Variants in POT1 observed in about 807,000 individuals in gnomAD.
POT1 encodes protection of telomeres 1, also known as protection of telomeres protein 1.
A neutral mutation model predicts 78.5 loss-of-function variants in POT1; 47 were observed. The ratio of observed to expected loss-of-function variants is 0.60; its 90% CI spans 0.47 to 0.76. The LOEUF (loss-of-function observed/expected upper bound fraction) is 0.76, where lower values mean the gene tolerates loss of function less well. Ranked by LOEUF, POT1 falls within the 30% of genes least tolerant of loss-of-function variation. The probability of loss-of-function intolerance (pLI) is 0.00; values close to 1 mark genes in which losing one functional copy is unlikely to be tolerated. For missense variants in POT1, 646 were observed against 749.9 expected (o/e 0.86, Z 1.62); for synonymous variants, 259 against 260.7 (o/e 0.99, Z 0.06).
At chr7:124,851,708 T>C (rs754367226) in intron 11 of POT1, 164 bp downstream of exon 11, 9 of 612,042 alleles carry the variant, frequency 1.5e-5, no homozygotes, top group South Asian at 2.1e-5. Context: ...GAAGAAACCA[T>C]GTTTACTTTT....
intron 3 of POT1, chr7:124,900,947 G>T: frequency 4.8e-6 from 1 of 207,806 alleles, no homozygotes; most frequent in South Asian, 5.6e-5. Context: ...GCGAGTCTGG[G>T]GGAGGGGCTT....
At chr7:124,906,955 G>A (rs1796780217) in intron 3 of POT1, among the ~76,000 whole-genome samples, 1 of 152,058 alleles carries the variant, frequency 6.6e-6, no homozygotes, top group Admixed American at 6.6e-5. Flanking sequence ...TATATGGGGT[G>A]TTCTAAGCTT....
intron 6 of POT1, among the ~76,000 whole-genome samples, chr7:124,881,353 T>C (rs1796114486): frequency 6.6e-6 from 1 of 151,950 alleles, no homozygotes; most frequent in South Asian, 2.1e-4. Flanking sequence ...CCACTGTTGA[T>C]CAAAATGTTA....
chr7:124,891,006 A>C (rs1451377817), intron 6 of POT1, among the ~76,000 whole-genome samples: 2 of 151,768 alleles, frequency 1.3e-5, no homozygotes, highest in African/African-American at 4.8e-5. Context: ...AATATTCTGC[A>C]TATGTCTGAT....
chr7:124,924,626 T>C (rs1481975950), intron 2 of POT1, among the ~76,000 whole-genome samples: 2 of 151,684 alleles, frequency 1.3e-5, no homozygotes, highest in Admixed American at 1.3e-4. Context: ...TTCTACAAGG[T>C]ATCACCCTGA....
chr7:124,850,161 T>C (rs1795268471), intron 11 of POT1, among the ~76,000 whole-genome samples: 1 of 152,206 alleles, frequency 6.6e-6, no homozygotes, highest in South Asian at 2.1e-4. Context: ...TTCCTAATAG[T>C]AGTTCAAGTA....
chr7:124,847,653 A>G (rs953506849), intron 11 of POT1, among the ~76,000 whole-genome samples: 1 of 152,258 alleles, frequency 6.6e-6, no homozygotes, highest in Admixed American at 6.5e-5. Context: ...GACTTACTAT[A>G]AACTTACAGT....
At chr7:124,888,748 CTG>C (rs2116620311) in intron 6 of POT1, among the ~76,000 whole-genome samples, 1 of 152,104 alleles carries the variant, frequency 6.6e-6, no homozygotes, top group East Asian at 1.9e-4. Flanking sequence ...CCCATTTTCA[CTG>C]TATCTGTTAT....
At chr7:124,897,553 T>C (rs1487747915) in intron 4 of POT1, among the ~76,000 whole-genome samples, 2 of 151,906 alleles carry the variant, frequency 1.3e-5, no homozygotes, top group African/African-American at 4.8e-5. Context: ...CCAATAGAAG[T>C]GGAAAATCAG....
At chr7:124,892,446 T>A (rs1796394969) in intron 5 of POT1, 66 bp from the exon 6 acceptor site, 19 of 799,518 alleles carry the variant, frequency 2.4e-5, no homozygotes, top group Non-Finnish European at 3.5e-5. Flanking sequence ...CATGTTATAA[T>A]CATATTAGCA....
intron 6 of POT1, among the ~76,000 whole-genome samples, chr7:124,879,016 T>G (rs1796056122): frequency 6.6e-6 from 1 of 152,084 alleles, no homozygotes. Flanking sequence ...AAAAAAAGAT[T>G]AAAAATTTAA....
intron 9 of POT1, among the ~76,000 whole-genome samples, chr7:124,854,784 T>C (rs972821644): frequency 6.6e-6 from 1 of 151,844 alleles, no homozygotes; most frequent in Non-Finnish European, 1.5e-5. Flanking sequence ...AAGTGAGACA[T>C]TGGAAAAAAC....
rs536784910 is a variant in POT1 at position 124,865,131 on chromosome 7, C to A, written c.256-1491G>T. 2.6e-5 allele frequency among the ~76,000 whole-genome samples: 4 copies of A among 152,122 alleles called. No individual in the cohort carries two copies. The South Asian group carries it at 8.3e-4, about 32-fold the overall frequency. On this transcript the variant is annotated intron_variant, in intron 7 of 18. Transcript: ENST00000357628. ...TTCTATCACCATATAAAACTTACTT[C>A]TTTGTTCTCTGGGTGTCACTGTCTC...
At chr7:124,877,836 G>A (rs1439209885) in intron 6 of POT1, among the ~76,000 whole-genome samples, 4 of 62,800 alleles carry the variant, frequency 6.4e-5, no homozygotes, top group Non-Finnish European at 1.3e-4. Context: ...GAGAGATTCT[G>A]TCTCAAAAAA....
chr7:124,859,224 T>G (rs542968127), intron 8 of POT1, 112 bp from the exon 9 acceptor site: 2 of 641,830 alleles, frequency 3.1e-6, no homozygotes, highest in Non-Finnish European at 4.9e-6. Flanking sequence ...CCTCTGAATA[T>G]TGGCACTATT....
At chr7:124,836,129 G>A (rs1306845659) in intron 14 of POT1, among the ~76,000 whole-genome samples, 1 of 152,166 alleles carries the variant, frequency 6.6e-6, no homozygotes, top group East Asian at 1.9e-4. Context: ...AGCACTTCTG[G>A]TATAGCAGAG....
intron 9 of POT1, among the ~76,000 whole-genome samples, chr7:124,856,468 A>G (rs1053878226): frequency 6.6e-6 from 1 of 152,222 alleles, no homozygotes; most frequent in Non-Finnish European, 1.5e-5. Context: ...ATGTGTGCTC[A>G]TATCACCCTC....
intron 5 of POT1, among the ~76,000 whole-genome samples, chr7:124,896,474 T>C (rs1796493950): frequency 6.6e-6 from 1 of 151,826 alleles, no homozygotes; most frequent in Non-Finnish European, 1.5e-5. Flanking sequence ...ACTCAGAATT[T>C]AGTAACTGTG....
rs1794880468 is a variant in POT1 at position 124,835,553 on chromosome 7, T to C, written c.1370-139A>G. 4.2e-6 allele frequency: 4 copies of C among 953,890 alleles called. No homozygotes were observed. The South Asian group carries it at 7.9e-5, about 19-fold the overall frequency. The allele number at this position is 953,890 out of a possible 1,614,324, so 59.1% of individuals were successfully genotyped here. A position where few individuals can be genotyped will look rare whatever the true frequency, so the allele number is the denominator to read the frequency against. On this transcript the variant is annotated intron_variant, in intron 14 of 18. Transcript: ENST00000357628. Reference sequence around the variant, plus strand: ...GACAATGAATGTATGTAAAAAATATTAATTTGTAAATGTACAATCCTATAC... The same window carrying C: ...GACAATGAATGTATGTAAAAAATATCAATTTGTAAATGTACAATCCTATAC...
Sources: allele counts gnomAD v4.1 joint callset (sites outside exome capture counted in the v4.1 genomes callset), GRCh38; gene constraint gnomAD v4.1.1; transcripts MANE v1.5; gene names NCBI Gene and HGNC (gene_info 2026-07-23, HGNC 2026-07-21).